Variants in TSPAN9 observed in about 807,000 individuals in gnomAD.
TSPAN9 encodes tetraspanin 9, also known as tetraspanin-9.
A neutral mutation model predicts 31.0 loss-of-function variants in TSPAN9; 16 were observed. That is an observed-to-expected ratio of 0.52 (90% CI 0.35 to 0.78). The LOEUF is 0.78. Ranked by LOEUF, TSPAN9 falls within the 30% of genes least tolerant of loss-of-function variation. The pLI, the probability that TSPAN9 is intolerant of heterozygous loss-of-function variation, is 0.01. For missense variants in TSPAN9, 272 were observed against 312.5 expected (o/e 0.87, Z 0.98); for synonymous variants, 145 against 121.6 (o/e 1.19, Z -1.27).
chr12:3,078,186 A>T (rs2098296067), intron 1 of TSPAN9, among the ~76,000 whole-genome samples: 1 of 152,138 alleles, frequency 6.6e-6, no homozygotes, highest in Non-Finnish European at 1.5e-5. Context: ...TTGGGCTAGT[A>T]TGGGATCCCC....
chr12:3,114,190 A>C (rs1232808421), intron 2 of TSPAN9, among the ~76,000 whole-genome samples: 1 of 152,242 alleles, frequency 6.6e-6, no homozygotes, highest in African/African-American at 2.4e-5. Flanking sequence ...TCCTTGCAGC[A>C]TAGAAGTGGC....
intron 2 of TSPAN9, among the ~76,000 whole-genome samples, chr12:3,095,983 G>A (rs879338854): frequency 6.7e-6 from 1 of 150,206 alleles, no homozygotes; most frequent in Non-Finnish European, 1.5e-5. Context: ...GCCAAGGCAG[G>A]CGGCTGCTCC....
Position 3,221,357 on chromosome 12 carries a change from TCTC to T in TSPAN9, c.63+20102_63+20104del, listed in dbSNP as rs768022052. 1.6e-3 allele frequency among the ~76,000 whole-genome samples: 153 copies of T among 94,488 alleles called. 2 individuals carry two copies. The highest frequency in any genetic ancestry group is 5.7e-3 in the Middle Eastern group (1 of 174). The allele number at this position is 94,488 out of a possible 152,430, so 62.0% of individuals were successfully genotyped here. A position where few individuals can be genotyped will look rare whatever the true frequency, so the allele number is the denominator to read the frequency against. ...AGTTATTTTTTATTTAAAATATTTT[TCTC>T]TTTTTTTTTTTTTTTTAGATGAAGT... On this transcript the variant is annotated intron_variant, in intron 3 of 8. Coordinates refer to ENST00000011898, the MANE Select transcript of TSPAN9 (RefSeq NM_006675.5).
At chr12:3,224,585 C>T (rs1357107600) in intron 3 of TSPAN9, among the ~76,000 whole-genome samples, 2 of 152,206 alleles carry the variant, frequency 1.3e-5, no homozygotes, top group Non-Finnish European at 2.9e-5. Context: ...GGAGAAGCGA[C>T]CCCTGGACCG....
intron 3 of TSPAN9, among the ~76,000 whole-genome samples, chr12:3,234,750 G>A (rs566186917): frequency 6.6e-6 from 1 of 152,260 alleles, no homozygotes; most frequent in Admixed American, 6.5e-5. Context: ...CTGAATCCTA[G>A]CAACTCTACA....
At chr12:3,167,042 C>T (rs997577395) in intron 2 of TSPAN9, among the ~76,000 whole-genome samples, 1 of 152,136 alleles carries the variant, frequency 6.6e-6, no homozygotes, top group African/African-American at 2.4e-5. Flanking sequence ...GGTGATCCAC[C>T]CTCTTTGGCA....
chr12:3,215,172 T>G (rs2098380714), intron 3 of TSPAN9: 2 of 152,284 alleles, frequency 1.3e-5, no homozygotes, highest in African/African-American at 4.8e-5. Context: ...TACCCGCTTC[T>G]CTGGTGGTTG....
At chr12:3,091,891 T>C (rs7980334) in intron 2 of TSPAN9, among the ~76,000 whole-genome samples, 81,082 of 151,670 alleles carry the variant, frequency 0.53, 22,068 homozygotes, top group South Asian at 0.66. Flanking sequence ...GGCCTAGCAC[T>C]GCAGCACCCT....
At chr12:3,176,093 G>A (rs1390720965) in intron 2 of TSPAN9, among the ~76,000 whole-genome samples, 6 of 152,206 alleles carry the variant, frequency 3.9e-5, no homozygotes, top group South Asian at 2.1e-4. Flanking sequence ...GCTCTCACGC[G>A]CTTCTGTTCC....
intron 2 of TSPAN9, among the ~76,000 whole-genome samples, chr12:3,142,166 T>G (rs1565590849): frequency 6.6e-6 from 1 of 152,142 alleles, no homozygotes; most frequent in Admixed American, 6.5e-5. Flanking sequence ...TCTGCCTGAC[T>G]GCTGCTGGGG....
intron 3 of TSPAN9, among the ~76,000 whole-genome samples, chr12:3,241,758 T>G (rs1383500509): frequency 6.6e-6 from 1 of 152,198 alleles, no homozygotes; most frequent in Non-Finnish European, 1.5e-5. Flanking sequence ...CCAGTGGGGC[T>G]GGGGAGGCGG....
chr12:3,149,971 C>T (rs1163591460), intron 2 of TSPAN9: 1 of 152,290 alleles, frequency 6.6e-6, no homozygotes, highest in Non-Finnish European at 1.5e-5. Context: ...TTGATGTATT[C>T]ATCCAGCCAG....
chr12:3,140,569 A>G (rs574276666), intron 2 of TSPAN9, among the ~76,000 whole-genome samples: 2 of 152,036 alleles, frequency 1.3e-5, no homozygotes, highest in African/African-American at 4.8e-5. Context: ...AGCTGAAGGG[A>G]TTTTTAGATT....
At chr12:3,136,190 G>A (rs1342513322) in intron 2 of TSPAN9, among the ~76,000 whole-genome samples, 1 of 152,204 alleles carries the variant, frequency 6.6e-6, no homozygotes, top group Non-Finnish European at 1.5e-5. Flanking sequence ...TCGTGAGCCA[G>A]GGATGCCCTG....
chr12:3,114,575 G>A (rs2098321118), intron 2 of TSPAN9, among the ~76,000 whole-genome samples: 1 of 152,158 alleles, frequency 6.6e-6, no homozygotes, highest in Non-Finnish European at 1.5e-5. Flanking sequence ...GTCTGGCCAG[G>A]CATGGTGGCT....
chr12:3,152,075 T>C (rs2098340046), intron 2 of TSPAN9, among the ~76,000 whole-genome samples: 2 of 152,228 alleles, frequency 1.3e-5, no homozygotes, highest in African/African-American at 4.8e-5. Flanking sequence ...ATTTTTCCTC[T>C]CCAGCTCTCA....
intron 2 of TSPAN9, among the ~76,000 whole-genome samples, chr12:3,152,875 A>T (rs1410694118): frequency 6.6e-6 from 1 of 152,240 alleles, no homozygotes; most frequent in African/African-American, 2.4e-5. Context: ...GGTGTGAGCC[A>T]CCACGCCCAG....
chr12:3,105,199 C>G (rs560418754), intron 2 of TSPAN9, among the ~76,000 whole-genome samples: 2 of 152,236 alleles, frequency 1.3e-5, no homozygotes, highest in East Asian at 1.9e-4. Flanking sequence ...TTTCTGCCGC[C>G]GACTTGGGCT....
chr12:3,251,346 A>G (rs1862240880), intron 3 of TSPAN9, among the ~76,000 whole-genome samples: 1 of 150,182 alleles, frequency 6.7e-6, no homozygotes, highest in South Asian at 2.1e-4. Flanking sequence ...TCCCTGGTGG[A>G]AGGGTGCTGG....
Sources: allele counts gnomAD v4.1 joint callset (sites outside exome capture counted in the v4.1 genomes callset), GRCh38; gene constraint gnomAD v4.1.1; transcripts MANE v1.5; gene names NCBI Gene and HGNC (gene_info 2026-07-23, HGNC 2026-07-21).